SGCZ: variants seen among roughly 807,000 people sequenced by gnomAD.
The protein encoded by SGCZ is sarcoglycan zeta.
SGCZ carries 40 observed loss-of-function variants against 41.3 expected under a neutral mutation model. That is an observed-to-expected ratio of 0.97 (90% CI 0.75 to 1.26). The LOEUF is 1.26. SGCZ is among the 50% of genes most tolerant of loss of function. SGCZ has a pLI of 0.00. For missense variants in SGCZ, 552 were observed against 369.8 expected, an observed-to-expected ratio of 1.49 and a Z score of -4.04; for synonymous variants, 206 against 137.5, an observed-to-expected ratio of 1.50 and a Z score of -3.49.
chr8:14,680,349 G>A (rs548623127), intron 1 of SGCZ, among the ~76,000 whole-genome samples: 1 of 152,130 alleles, frequency 6.6e-6, no homozygotes, highest in East Asian at 1.9e-4. Flanking sequence ...TAAACTTTCC[G>A]TATTAGTGAT....
chr8:14,408,966 T>TGTGTGTGTGCGTGTGA (rs1395616202), intron 2 of SGCZ, among the ~76,000 whole-genome samples: 1 of 136,776 alleles, frequency 7.3e-6, no homozygotes, highest in Admixed American at 7.1e-5. Flanking sequence ...TGTGTGTGTG[T>TGTGTGTGTGCGTGTGA]GTGTGCATGT....
intron 2 of SGCZ, among the ~76,000 whole-genome samples, chr8:14,454,303 G>A (rs1009129114): frequency 4.6e-5 from 7 of 152,136 alleles, no homozygotes. Flanking sequence ...GAACTGGGAA[G>A]ACTTCATTAC....
chr8:15,002,020 GA>G, intron 1 of SGCZ, among the ~76,000 whole-genome samples: 1 of 152,178 alleles, frequency 6.6e-6, no homozygotes, highest in Admixed American at 6.5e-5. Flanking sequence ...ACACATAAAA[GA>G]ACATAAAACA....
intron 1 of SGCZ, among the ~76,000 whole-genome samples, chr8:14,978,326 G>T (rs1237682765): frequency 7.3e-6 from 1 of 137,322 alleles, no homozygotes; most frequent in African/African-American, 3.1e-5. Context: ...AAAATTAGTT[G>T]GGCGTGGTGC....
intron 1 of SGCZ, among the ~76,000 whole-genome samples, chr8:14,615,408 T>C (rs1806068223): frequency 6.6e-6 from 1 of 152,234 alleles, no homozygotes; most frequent in African/African-American, 2.4e-5. Context: ...CTCACTGCTC[T>C]CACTGCTGGG....
intron 1 of SGCZ, among the ~76,000 whole-genome samples, chr8:14,815,674 G>A (rs1441341293): frequency 6.6e-6 from 1 of 152,146 alleles, no homozygotes; most frequent in Admixed American, 6.5e-5. Flanking sequence ...CAAGGTAGCA[G>A]TGTGAACAAC....
intron 1 of SGCZ, among the ~76,000 whole-genome samples, chr8:14,625,784 T>G (rs746492790): frequency 3.9e-5 from 6 of 152,174 alleles, no homozygotes; most frequent in Non-Finnish European, 7.3e-5. Context: ...GAGTTTACTA[T>G]ATATTCCGAC....
At chr8:14,506,225 C>A (rs568988671) in intron 2 of SGCZ, among the ~76,000 whole-genome samples, 1 of 152,112 alleles carries the variant, frequency 6.6e-6, no homozygotes, top group Admixed American at 6.6e-5. Flanking sequence ...GATTTTCTAA[C>A]AACAAACTCC....
chr8:14,369,023 G>GTA (rs1803817407), intron 2 of SGCZ, among the ~76,000 whole-genome samples: 1 of 129,188 alleles, frequency 7.7e-6, no homozygotes, highest in Non-Finnish European at 1.7e-5. Context: ...AAATGTAAAT[G>GTA]TGTGTGTGTG....
intron 1 of SGCZ, among the ~76,000 whole-genome samples, chr8:14,704,452 T>C (rs1052031056): frequency 1.3e-5 from 2 of 152,022 alleles, no homozygotes; most frequent in Non-Finnish European, 2.9e-5. Context: ...AAAGGCAATA[T>C]TTTTCTTTCT....
intron 1 of SGCZ, among the ~76,000 whole-genome samples, chr8:14,707,699 T>C (rs1377416408): frequency 6.6e-6 from 1 of 152,120 alleles, no homozygotes; most frequent in Admixed American, 6.6e-5. Context: ...AGCATTTATT[T>C]GAGAGCAAAT....
At chr8:14,485,606 G>A (rs1000203283) in intron 2 of SGCZ, among the ~76,000 whole-genome samples, 2 of 152,100 alleles carry the variant, frequency 1.3e-5, no homozygotes, top group African/African-American at 4.8e-5. Flanking sequence ...TGTGCTTCCA[G>A]ATTCTCCCTC....
intron 2 of SGCZ, among the ~76,000 whole-genome samples, chr8:14,404,416 A>G (rs1380940771): frequency 1.3e-5 from 2 of 152,174 alleles, no homozygotes; most frequent in Non-Finnish European, 1.5e-5. Flanking sequence ...GGAATTTTTG[A>G]GCATTCAAAG....
intron 2 of SGCZ, among the ~76,000 whole-genome samples, chr8:14,467,370 C>G (rs1444696143): frequency 6.6e-6 from 1 of 152,006 alleles, no homozygotes; most frequent in Non-Finnish European, 1.5e-5. Context: ...AAAACAATGG[C>G]CATTGTCTCT....
chr8:14,866,728 T>G (rs1803946350), intron 1 of SGCZ, among the ~76,000 whole-genome samples: 1 of 152,008 alleles, frequency 6.6e-6, no homozygotes, highest in African/African-American at 2.4e-5. Context: ...GAGGATAGCC[T>G]GAGACCCAGA....
At chr8:14,170,529 G>T (rs965039953) in intron 4 of SGCZ, among the ~76,000 whole-genome samples, 2 of 152,006 alleles carry the variant, frequency 1.3e-5, no homozygotes, top group African/African-American at 4.8e-5. Flanking sequence ...ATTTTAAGAG[G>T]ATAAGGTAAA....
intron 1 of SGCZ, among the ~76,000 whole-genome samples, chr8:14,798,276 C>A (rs568863991): frequency 6.6e-6 from 1 of 152,172 alleles, no homozygotes; most frequent in East Asian, 1.9e-4. Flanking sequence ...TATACAAGTC[C>A]TTTTTCTAAC....
intron 2 of SGCZ, among the ~76,000 whole-genome samples, chr8:14,525,818 T>C (rs968410276): frequency 6.6e-6 from 1 of 152,090 alleles, no homozygotes; most frequent in Non-Finnish European, 1.5e-5. Context: ...GCACAGGATG[T>C]AAATGAACAC....
At chr8:15,229,622 A>C (rs1337893133) in intron 1 of SGCZ, among the ~76,000 whole-genome samples, 1 of 152,210 alleles carries the variant, frequency 6.6e-6, no homozygotes, top group Non-Finnish European at 1.5e-5. Context: ...ACATGATTCA[A>C]GAAATCTTGA....
Sources: gnomAD v4.1 joint callset for allele counts (sites outside exome capture counted in the v4.1 genomes callset) on GRCh38, gnomAD v4.1.1 for gene constraint, MANE v1.5 for transcripts, NCBI Gene and HGNC (gene_info 2026-07-23, HGNC 2026-07-21) for gene names.